SGF29: variants seen among roughly 807,000 people sequenced by gnomAD.
The protein encoded by SGF29 is SAGA-associated factor 29.
In SGF29, 15 loss-of-function variants were observed where a neutral mutation model predicts 38.1. The observed-to-expected ratio is 0.39, with a 90% CI of 0.26 to 0.61. The LOEUF is 0.61. Among genes scored for constraint, SGF29 ranks in the 20% least tolerant of loss-of-function variants. The pLI, the probability that SGF29 is intolerant of heterozygous loss-of-function variation, is 0.49. For missense variants in SGF29, 184 were observed against 394.6 expected, an observed-to-expected ratio of 0.47 and a Z score of 4.52; for synonymous variants, 151 against 160.8, an observed-to-expected ratio of 0.94 and a Z score of 0.46.
Position 28,584,939 on chromosome 16 carries a change from C to T in SGF29, c.102C>T (p.Asn34=), listed in dbSNP as rs368734087. ...AAGAGCGTTCGCGGAGCGAACACAA[C>T]TTAGTGAACATCCAGAAGACCCATG... The part of the protein sequence containing the change: ...TQEERSRSEH[N]LVNIQKTHER... The change falls in exon 3 of 10, where the codon AAC becomes AAT. Residue 34 remains asparagine, a synonymous_variant. Transcript: ENST00000317058. The T allele has an allele frequency of 3.7e-6, 6 of 1,613,640 alleles. No homozygotes were observed. Among genetic ancestry groups the T allele is most frequent in the Non-Finnish European group, 5.1e-6 (6 of 1,179,960 alleles).
intron 1 of SGF29, among the ~76,000 whole-genome samples, chr16:28,567,798 T>C (rs181691808): frequency 6.6e-6 from 1 of 152,252 alleles, no homozygotes; most frequent in African/African-American, 2.4e-5. Flanking sequence ...GGAAAGGTGA[T>C]CTTTGTTATA....
chr16:28,568,664 C>G (rs2046847697), intron 1 of SGF29, among the ~76,000 whole-genome samples: 1 of 152,040 alleles, frequency 6.6e-6, no homozygotes, highest in African/African-American at 2.4e-5. Flanking sequence ...CCTGTAATGC[C>G]AGCACTTTGG....
intron 1 of SGF29, among the ~76,000 whole-genome samples, chr16:28,563,246 G>A (rs140131847): frequency 6.6e-6 from 1 of 152,346 alleles, no homozygotes; most frequent in East Asian, 1.9e-4. Context: ...GGATGTTTGC[G>A]TGGTAAGAGT....
chr16:28,571,684 G>A (rs778476581), intron 1 of SGF29, among the ~76,000 whole-genome samples: 2 of 152,060 alleles, frequency 1.3e-5, no homozygotes, highest in Non-Finnish European at 2.9e-5. Context: ...CATAGTTGAC[G>A]CGGTAGCTTG....
intron 1 of SGF29, 140 bp downstream of exon 1, chr16:28,554,237 G>T (rs2046730791): frequency 6.6e-6 from 1 of 152,014 alleles, no homozygotes; most frequent in Non-Finnish European, 1.5e-5. Context: ...GGCGGGAGGG[G>T]GGCGGGGCTC....
In SGF29 at chr16:28,564,096, TGAG is replaced by T. The variant is rs2046806169; in HGVS notation, c.-16+10002_-16+10004del. Among the ~76,000 whole-genome samples the T allele has an allele frequency of 5.3e-5, 8 of 152,188 alleles. No individual in the cohort carries two copies. The South Asian group carries it at 1.7e-3, about 32-fold the overall frequency. On this transcript the variant is annotated intron_variant, in intron 1 of 9. Transcript: ENST00000317058. ...CCACATGAGACAGTGAGACAGGTGATGAGGACCTAAACTAAAACAATGACAAGT... is the reference window on the plus strand; with the variant it reads ...CCACATGAGACAGTGAGACAGGTGATGACCTAAACTAAAACAATGACAAGT...
intron 1 of SGF29, among the ~76,000 whole-genome samples, chr16:28,564,755 GTATATATGTA>G (rs758971742): frequency 3.5e-5 from 3 of 86,782 alleles, no homozygotes; most frequent in East Asian, 2.7e-4. Context: ...GTATATATAT[GTATATATGTA>G]TATATATGTA....
At chr16:28,589,243 T>G in intron 5 of SGF29, 79 bp downstream of exon 5, 1 of 1,457,734 alleles carries the variant, frequency 6.9e-7, no homozygotes, top group South Asian at 1.1e-5. Flanking sequence ...CACCCTCCTG[T>G]GGGGGCCTGT....
intron 4 of SGF29, among the ~76,000 whole-genome samples, chr16:28,587,053 C>G (rs1469760829): frequency 6.6e-6 from 1 of 152,064 alleles, no homozygotes; most frequent in Non-Finnish European, 1.5e-5. Flanking sequence ...GCCATGTTGC[C>G]CAGGCTGGTC....
chr16:28,555,732 A>G (rs1204055338), intron 1 of SGF29, among the ~76,000 whole-genome samples: 1 of 152,230 alleles, frequency 6.6e-6, no homozygotes, highest in East Asian at 1.9e-4. Flanking sequence ...CCCTAGCCCA[A>G]TCAGTTTGAC....
chr16:28,574,403 C>T (rs2046881996), intron 1 of SGF29, among the ~76,000 whole-genome samples: 1 of 152,240 alleles, frequency 6.6e-6, no homozygotes, highest in Middle Eastern at 3.2e-3. Context: ...AGGCTTTCTT[C>T]ACTGTTCTGG....
rs768556230 is a variant in SGF29 at position 28,585,599 on chromosome 16, A to G, written c.152-49A>G. On this transcript the variant is annotated intron_variant, in intron 3 of 9. Transcript: ENST00000317058. ...CGGTGCATGGAAGCAGTGCCATGCT[A>G]CTGTGCCTGCCCTGGCCCTGCCTCC... The G allele has an allele frequency of 1.1e-5, 17 of 1,498,442 alleles. No individual in the cohort carries two copies. In the South Asian group the frequency reaches 1.8e-4, roughly 16 times the overall value. 92.8% of individuals were successfully genotyped at this position (1,498,442 alleles called of 1,614,324 possible). A position where few individuals can be genotyped will look rare whatever the true frequency, so the allele number is the denominator to read the frequency against.
At position 28,590,414 on chromosome 16, in the gene SGF29, G is replaced by A; in HGVS notation, c.538G>A (p.Val180Met). ...GGACGAGCAGTGGATCCTGGCCGAG[G>A]TGGTCAGTTACAGCCATGCCACCAA... ...DGDEQWILAEVVSYSHATNKY... is the reference protein window; with the variant it reads ...DGDEQWILAEMVSYSHATNKY... The change falls in exon 7 of 10, where the codon GTG (valine) becomes ATG (methionine). Residue 180 changes from valine to methionine, a missense_variant. Physicochemically the swap from Val to Met is conservative, Grantham distance 21. This residue lies in a region of SGF29 where 107 missense variants were observed against 276.9 expected (regional missense o/e 0.39). Transcript: ENST00000317058. This position sits in a 1 kb window ranked among gnomAD's most constrained non-coding sequence, Gnocchi z 8.2. 6.2e-7 allele frequency: 1 copy of A among 1,613,938 alleles called. No homozygotes were observed. The highest frequency in any genetic ancestry group is 8.5e-7 in the Non-Finnish European group (1 of 1,179,848).
At chr16:28,571,655 G>T (rs2046865545) in intron 1 of SGF29, among the ~76,000 whole-genome samples, 1 of 151,800 alleles carries the variant, frequency 6.6e-6, no homozygotes. Flanking sequence ...ATCGATTTGG[G>T]AGTCAGTACC....
chr16:28,576,551 A>G (rs2046895305), intron 1 of SGF29, among the ~76,000 whole-genome samples: 1 of 152,004 alleles, frequency 6.6e-6, no homozygotes, highest in Non-Finnish European at 1.5e-5. Flanking sequence ...AAATACAAAA[A>G]GTAGCCAGCG....
intron 1 of SGF29, among the ~76,000 whole-genome samples, chr16:28,564,645 G>A (rs997097799): frequency 3.6e-4 from 36 of 101,088 alleles, no homozygotes; most frequent in African/African-American, 9.0e-4. Context: ...GTATATATGT[G>A]TATATATACG....
At chr16:28,567,024 T>A (rs996908781) in intron 1 of SGF29, among the ~76,000 whole-genome samples, 1 of 152,190 alleles carries the variant, frequency 6.6e-6, no homozygotes. Context: ...ATAATCCAAT[T>A]TTAGAATATT....
intron 5 of SGF29, chr16:28,589,460 C>G: frequency 2.7e-6 from 1 of 371,346 alleles, no homozygotes; most frequent in Non-Finnish European, 5.1e-6. Context: ...GGCCCATGCC[C>G]ATCTGTTGCC....
chr16:28,583,140 C>T (rs1219804374), intron 2 of SGF29, among the ~76,000 whole-genome samples: 1 of 152,232 alleles, frequency 6.6e-6, no homozygotes, highest in Non-Finnish European at 1.5e-5. Flanking sequence ...CTTTCAGGCA[C>T]CCAGTGTAAC....
Sources: gnomAD v4.1 joint callset for allele counts (sites outside exome capture counted in the v4.1 genomes callset) on GRCh38, gnomAD v4.1.1 for gene constraint, gnomAD v4.1.1 regional missense constraint, Gnocchi (gnomAD v3.1) non-coding constraint, MANE v1.5 for transcripts, NCBI Gene and HGNC (gene_info 2026-07-23, HGNC 2026-07-21) for gene names.